NCAM1: variants seen among roughly 807,000 people sequenced by gnomAD.
The protein encoded by NCAM1 is antigen recognized by monoclonal antibody 5.1H11.
Under a neutral mutation model 109.8 loss-of-function variants are expected in NCAM1, and 14 were observed. That is an observed-to-expected ratio of 0.13 (90% CI 0.08 to 0.20). NCAM1 has a LOEUF of 0.20. Ranked by LOEUF, NCAM1 falls within the 10% of genes least tolerant of loss-of-function variation. The probability of loss-of-function intolerance (pLI) is 1.00; values close to 1 mark genes in which losing one functional copy is unlikely to be tolerated. For synonymous variants in NCAM1, 418 were observed against 442.9 expected (o/e 0.94, Z 0.70); for missense variants, 774 against 1,109.9 (o/e 0.70, Z 4.30).
intron 14 of NCAM1, among the ~76,000 whole-genome samples, chr11:113,244,690 C>A (rs1471999286): frequency 6.8e-6 from 1 of 148,046 alleles, no homozygotes; most frequent in African/African-American, 2.5e-5. Context: ...TGTGTGTGGA[C>A]CCATTTATAA....
chr11:113,086,718 C>G (rs1838981436), intron 1 of NCAM1, among the ~76,000 whole-genome samples: 1 of 152,066 alleles, frequency 6.6e-6, no homozygotes, highest in Non-Finnish European at 1.5e-5. Flanking sequence ...CTATTCCTAA[C>G]TCAGAGAGTT....
chr11:113,167,668 C>T (rs1335232791), intron 1 of NCAM1, among the ~76,000 whole-genome samples: 3 of 152,058 alleles, frequency 2.0e-5, no homozygotes, highest in African/African-American at 7.2e-5. Context: ...CAGAAGGCTC[C>T]CTGTGGGGAG....
At chr11:113,268,478 C>A (rs567007722) in intron 17 of NCAM1, among the ~76,000 whole-genome samples, 7 of 152,276 alleles carry the variant, frequency 4.6e-5, no homozygotes, top group Non-Finnish European at 1.0e-4. Context: ...AGCCAAGGTC[C>A]CAAAGGGACT....
At chr11:113,149,178 G>T (rs1942130171) in intron 1 of NCAM1, among the ~76,000 whole-genome samples, 1 of 152,152 alleles carries the variant, frequency 6.6e-6, no homozygotes, top group South Asian at 2.1e-4. Context: ...TGGACCCGGG[G>T]TGGGGCCTGC....
chr11:113,036,469 C>T (rs1360813778), intron 1 of NCAM1, among the ~76,000 whole-genome samples: 1 of 152,008 alleles, frequency 6.6e-6, no homozygotes, highest in Non-Finnish European at 1.5e-5. Flanking sequence ...GCCACTGCTT[C>T]CCCCTGCCTT....
intron 1 of NCAM1, among the ~76,000 whole-genome samples, chr11:113,040,395 C>T (rs1204074746): frequency 6.6e-6 from 1 of 152,150 alleles, no homozygotes; most frequent in Non-Finnish European, 1.5e-5. Context: ...TGTATCATTA[C>T]CCTTAAAAAG....
chr11:113,102,384 C>T (rs1218865053), intron 1 of NCAM1, among the ~76,000 whole-genome samples: 2 of 152,202 alleles, frequency 1.3e-5, no homozygotes, highest in Non-Finnish European at 2.9e-5. Flanking sequence ...GACCATTTCA[C>T]TCCATAGGAA....
At chr11:113,173,591 GAT>G (rs5794851) in intron 1 of NCAM1, among the ~76,000 whole-genome samples, 2,645 of 126,484 alleles carry the variant, frequency 0.021, 78 homozygotes, top group East Asian at 0.038. Flanking sequence ...CATGTTACCT[GAT>G]ATATATATAT....
At chr11:112,969,437 C>T (rs1367352679) in intron 1 of NCAM1, among the ~76,000 whole-genome samples, 1 of 152,120 alleles carries the variant, frequency 6.6e-6, no homozygotes, top group Non-Finnish European at 1.5e-5. Flanking sequence ...GCCAAGCAAA[C>T]AGGAATTCCT....
At chr11:113,112,633 T>C (rs1940495059) in intron 1 of NCAM1, among the ~76,000 whole-genome samples, 3 of 152,230 alleles carry the variant, frequency 2.0e-5, no homozygotes, top group Admixed American at 2.0e-4. Context: ...TTCACCATTA[T>C]GTAGAGAAAG....
intron 1 of NCAM1, among the ~76,000 whole-genome samples, chr11:113,173,725 C>T (rs1555106616): frequency 6.6e-6 from 1 of 150,910 alleles, no homozygotes; most frequent in Non-Finnish European, 1.5e-5. Flanking sequence ...GGCTTGTGTT[C>T]TTGGGCTTAA....
chr11:113,207,926 C>T lies in NCAM1; in HGVS notation c.840C>T (p.Asn280=), dbSNP rs1293661395. ...SQLTIKKVDK[N]DEAEYICIAE... ...TGACCATCAAAAAGGTGGATAAGAA[C>T]GACGAGGCTGAGTACATCTGCATTG... Residue 280 remains asparagine, a synonymous_variant, in exon 7 of 20, where the codon AAC becomes AAT. Transcript: ENST00000316851. The T allele has an allele frequency of 6.8e-6, 11 of 1,612,460 alleles. No homozygotes were observed. The highest frequency in any genetic ancestry group is 2.2e-5 in the East Asian group (1 of 44,868).
chr11:113,022,747 G>T (rs571204876), intron 1 of NCAM1, among the ~76,000 whole-genome samples: 1 of 152,314 alleles, frequency 6.6e-6, no homozygotes, highest in African/African-American at 2.4e-5. Flanking sequence ...GTCCAGGATT[G>T]TTATGGTGGT....
chr11:113,023,277 C>T (rs1189681971), intron 1 of NCAM1, among the ~76,000 whole-genome samples: 1 of 152,152 alleles, frequency 6.6e-6, no homozygotes, highest in Admixed American at 6.5e-5. Context: ...TTGAAATTGC[C>T]CATTGAAACA....
At chr11:113,237,921 TAG>T (rs55743543) in intron 14 of NCAM1, among the ~76,000 whole-genome samples, 43,639 of 94,832 alleles carry the variant, frequency 0.46, 7,620 homozygotes, top group Middle Eastern at 0.54. Flanking sequence ...TATAGATATA[TAG>T]ATATAGATAT....
intron 1 of NCAM1, among the ~76,000 whole-genome samples, chr11:112,983,264 A>G (rs1412917079): frequency 6.6e-6 from 1 of 151,972 alleles, no homozygotes; most frequent in East Asian, 1.9e-4. Context: ...TGGTAATAAC[A>G]TAGCTGATAC....
intron 1 of NCAM1, among the ~76,000 whole-genome samples, chr11:113,146,561 C>A (rs986669500): frequency 1.6e-4 from 24 of 152,166 alleles, no homozygotes; most frequent in African/African-American, 5.6e-4. Flanking sequence ...ATTTTTTCTA[C>A]AAGAGTTTAA....
intron 9 of NCAM1, among the ~76,000 whole-genome samples, chr11:113,225,596 T>G (rs1436915936): frequency 6.6e-6 from 1 of 151,410 alleles, no homozygotes; most frequent in African/African-American, 2.5e-5. Flanking sequence ...ACAAAGATAC[T>G]CCTTGAGAAG....
chr11:113,218,089 A>C (rs1944581929), intron 8 of NCAM1, among the ~76,000 whole-genome samples: 2 of 152,248 alleles, frequency 1.3e-5, no homozygotes. Flanking sequence ...TAGAGTAGTC[A>C]GTGGAGATCC....
Sources: allele counts gnomAD v4.1 joint callset (sites outside exome capture counted in the v4.1 genomes callset), GRCh38; gene constraint gnomAD v4.1.1; transcripts MANE v1.5; gene names NCBI Gene and HGNC (gene_info 2026-07-23, HGNC 2026-07-21).